Variants in ADAM17 observed in about 807,000 individuals in gnomAD.
The protein encoded by ADAM17 is disintegrin and metalloproteinase domain-containing protein 17.
ADAM17 carries 39 observed loss-of-function variants against 96.7 expected under a neutral mutation model. The observed-to-expected ratio is 0.40, with a 90% CI of 0.31 to 0.53. The LOEUF is 0.53. ADAM17 is among the 20% of genes least tolerant of loss of function. The probability of loss-of-function intolerance (pLI) is 0.44; values close to 1 mark genes in which losing one functional copy is unlikely to be tolerated. For missense variants in ADAM17, 777 were observed against 1,013.2 expected, an observed-to-expected ratio of 0.77 and a Z score of 3.17; for synonymous variants, 344 against 359.2, an observed-to-expected ratio of 0.96 and a Z score of 0.48.
chr2:9,532,242 T>C (rs754440176), intron 4 of ADAM17, among the ~76,000 whole-genome samples: 1 of 152,228 alleles, frequency 6.6e-6, no homozygotes, highest in Non-Finnish European at 1.5e-5. Flanking sequence ...TTTTTTTTCA[T>C]GTCAGACTGG....
chr2:9,543,092 T>G, intron 2 of ADAM17, 61 bp downstream of exon 2: 1 of 1,476,636 alleles, frequency 6.8e-7, no homozygotes, highest in Non-Finnish European at 9.0e-7. Context: ...CCTTACTTTT[T>G]TGTTTTTGCC....
Position 9,528,625 on chromosome 2 carries a change from C to T in ADAM17, c.451-671G>A, listed in dbSNP as rs932768514. Among the ~76,000 whole-genome samples the T allele has an allele frequency of 4.6e-5, 7 of 152,262 alleles. No individual in the cohort carries two copies. In the East Asian group the frequency reaches 1.3e-3, roughly 29 times the overall value. On this transcript the variant is annotated intron_variant, in intron 4 of 18. Coordinates refer to ENST00000310823, the MANE Select transcript of ADAM17 (RefSeq NM_003183.6). The stretch of plus-strand genomic sequence containing the variant: ...GCTGTTTGTTTGTTTTGTTTCAAAG[C>T]AAAGTTATTCTCTGTAAGAACACTG...
At chr2:9,504,793 CT>C (rs1213303447) in intron 12 of ADAM17, among the ~76,000 whole-genome samples, 1 of 150,820 alleles carries the variant, frequency 6.6e-6, no homozygotes, top group African/African-American at 2.4e-5. Flanking sequence ...ATTCTTTTAA[CT>C]ATAGGACTGC....
chr2:9,527,759 A>G (rs781142058), intron 5 of ADAM17, 27 bp downstream of exon 5: 4 of 1,449,590 alleles, frequency 2.8e-6, no homozygotes, highest in Non-Finnish European at 3.7e-6. Context: ...TTTGTTTCTT[A>G]TTTGAAATAC....
At chr2:9,542,967 G>C (rs753449824) in intron 2 of ADAM17, among the ~76,000 whole-genome samples, 186 bp downstream of exon 2, 11 of 152,242 alleles carry the variant, frequency 7.2e-5, no homozygotes, top group Admixed American at 1.3e-4. Flanking sequence ...CAAAGTGCTC[G>C]GATTATAGGC....
intron 10 of ADAM17, among the ~76,000 whole-genome samples, chr2:9,511,604 G>T (rs902542098): frequency 6.6e-6 from 1 of 152,302 alleles, no homozygotes; most frequent in Non-Finnish European, 1.5e-5. Context: ...CAGATTATCA[G>T]ATGATTTCTA....
At position 9,490,466 on chromosome 2, in the gene ADAM17, G is replaced by T. The variant is rs768949233; in HGVS notation, c.2186C>A (p.Pro729His). The change falls in exon 19 of 19, where the codon CCC becomes CAC. Residue 729 changes from proline to histidine, a missense_variant. Physicochemically the swap from Pro to His is moderately conservative, Grantham distance 77. Around this residue, in one of 3 missense-constraint regions of ADAM17, gnomAD observed 197 missense variants for 219.4 expected, o/e 0.90. Transcript: ENST00000310823. ...GCCTGGAGTCTGGGGCGCAGGAAAG[G>T]GTTTGATAATGCGAACCGATGCAGA... ...MDSASVRIIK[P>H]FPAPQTPGRL... The T allele has an allele frequency of 1.9e-6, 3 of 1,614,018 alleles. No homozygotes were observed. The highest frequency in any genetic ancestry group is 1.1e-5 in the South Asian group (1 of 91,068).
intron 10 of ADAM17, among the ~76,000 whole-genome samples, chr2:9,510,905 T>G (rs879489096): frequency 1.3e-5 from 2 of 152,234 alleles, no homozygotes; most frequent in African/African-American, 2.4e-5. Flanking sequence ...GGATTTTATT[T>G]AATACTATCA....
At chr2:9,504,444 A>T (rs1038264551) in intron 12 of ADAM17, among the ~76,000 whole-genome samples, 1 of 150,568 alleles carries the variant, frequency 6.6e-6, no homozygotes, top group Non-Finnish European at 1.5e-5. Flanking sequence ...ACGCCGTCTC[A>T]AAATAAATAA....
At chr2:9,531,599 G>A (rs1240537438) in intron 4 of ADAM17, among the ~76,000 whole-genome samples, 1 of 152,188 alleles carries the variant, frequency 6.6e-6, no homozygotes, top group African/African-American at 2.4e-5. Context: ...CTACTTGGGA[G>A]GCTGAGGCAG....
intron 2 of ADAM17, among the ~76,000 whole-genome samples, chr2:9,537,587 C>T (rs1024927426): frequency 2.0e-5 from 3 of 151,908 alleles, no homozygotes; most frequent in African/African-American, 7.3e-5. Context: ...CAAAAATTAG[C>T]CAGGCATGGT....
intron 14 of ADAM17, 99 bp downstream of exon 14, chr2:9,497,015 C>A: frequency 6.5e-7 from 1 of 1,535,314 alleles, no homozygotes; most frequent in Admixed American, 1.9e-5. Context: ...TGGATCTCAC[C>A]ACTGCTGTCA....
At chr2:9,522,285 C>T (rs980563972) in intron 7 of ADAM17, 1 of 466,042 alleles carries the variant, frequency 2.1e-6, no homozygotes, top group South Asian at 5.1e-5. Flanking sequence ...TATACATACA[C>T]TATACCTGCA....
intron 1 of ADAM17, 56 bp downstream of exon 1, chr2:9,555,453 T>C (rs1480986110): frequency 6.9e-7 from 1 of 1,450,048 alleles, no homozygotes; most frequent in South Asian, 1.3e-5. Context: ...TCCCCTGCTC[T>C]TCCCTCAAAC....
At chr2:9,504,415 A>G (rs796989872) in intron 12 of ADAM17, among the ~76,000 whole-genome samples, 6 of 152,204 alleles carry the variant, frequency 3.9e-5, no homozygotes, top group African/African-American at 1.4e-4. Context: ...ACTGCACTCC[A>G]GCCTGGCAAC....
intron 1 of ADAM17, among the ~76,000 whole-genome samples, chr2:9,545,509 G>T (rs2125042367): frequency 6.7e-6 from 1 of 150,148 alleles, no homozygotes; most frequent in African/African-American, 2.5e-5. Context: ...GGCGGAGGTT[G>T]CAGTGAGCCG....
At chr2:9,544,544 C>A (rs1021451341) in intron 1 of ADAM17, among the ~76,000 whole-genome samples, 3 of 147,632 alleles carry the variant, frequency 2.0e-5, no homozygotes, top group Non-Finnish European at 4.5e-5. Flanking sequence ...GAAAAAAGGC[C>A]GGGCTGGGCA....
At chr2:9,543,123 C>G in intron 2 of ADAM17, 30 bp downstream of exon 2, 1 of 1,534,830 alleles carries the variant, frequency 6.5e-7, no homozygotes, top group African/African-American at 1.4e-5. Flanking sequence ...CCCAGTGCCC[C>G]AACATTATTC....
chr2:9,547,362 G>A (rs1403038315), intron 1 of ADAM17, among the ~76,000 whole-genome samples: 1 of 152,142 alleles, frequency 6.6e-6, no homozygotes. Flanking sequence ...CTGGAGGAAA[G>A]ACCAAAATTA....
Sources: allele counts gnomAD v4.1 joint callset (sites outside exome capture counted in the v4.1 genomes callset), GRCh38; gene constraint gnomAD v4.1.1; regional missense constraint gnomAD v4.1.1; transcripts MANE v1.5; gene names NCBI Gene and HGNC (gene_info 2026-07-23, HGNC 2026-07-21).